The following GPC5 variants were observed in gnomAD, a reference collection of about 807,000 sequenced individuals.
GPC5 encodes glypican 5.
GPC5 carries 47 observed loss-of-function variants against 53.9 expected under a neutral mutation model. The ratio of observed to expected loss-of-function variants is 0.87; its 90% confidence interval spans 0.69 to 1.11. The LOEUF (loss-of-function observed/expected upper bound fraction) is 1.11, where lower values mean the gene tolerates loss of function less well. GPC5 is among the 50% of genes most tolerant of loss of function. The pLI is 0.00. For missense variants in GPC5, 748 were observed against 713.1 expected, an observed-to-expected ratio of 1.05 and a Z score of -0.56; for synonymous variants, 286 against 263.3, an observed-to-expected ratio of 1.09 and a Z score of -0.84.
chr13:92,858,079 G>A (rs1361602298), intron 7 of GPC5, among the ~76,000 whole-genome samples: 1 of 152,180 alleles, frequency 6.6e-6, no homozygotes, highest in East Asian at 1.9e-4. Flanking sequence ...GTGCCCATCA[G>A]TGGTAGACTG....
chr13:92,169,297 T>G (rs573622625), intron 7 of GPC5, among the ~76,000 whole-genome samples: 1 of 152,256 alleles, frequency 6.6e-6, no homozygotes, highest in Non-Finnish European at 1.5e-5. Context: ...TTTACCTATG[T>G]AACCAACCTG....
intron 7 of GPC5, among the ~76,000 whole-genome samples, chr13:92,512,324 T>G (rs1880604314): frequency 6.6e-6 from 1 of 152,144 alleles, no homozygotes; most frequent in African/African-American, 2.4e-5. Flanking sequence ...CGAGTCACCT[T>G]AAGTACTTTA....
At chr13:92,251,858 C>T (rs777764947) in intron 7 of GPC5, among the ~76,000 whole-genome samples, 13 of 152,102 alleles carry the variant, frequency 8.5e-5, no homozygotes, top group Non-Finnish European at 1.3e-4. Flanking sequence ...TTTTAAATCA[C>T]GTGTGATCCA....
intron 7 of GPC5, among the ~76,000 whole-genome samples, chr13:92,262,191 A>T (rs918930573): frequency 6.6e-6 from 1 of 152,284 alleles, no homozygotes; most frequent in African/African-American, 2.4e-5. Flanking sequence ...GCTACCTTAT[A>T]ACATCTGATT....
rs75225176 is a variant in GPC5, at chr13:92,647,563, A to T, written c.1562-218719A>T. ...TGGTTCTGCTCTGATTCTGGACACC[A>T]AGAAAATCTCATGAGATAATCAAAC... On this transcript the variant is annotated intron_variant, in intron 7 of 7. Transcript: ENST00000377067. Among the ~76,000 whole-genome samples, 1,381 of 152,226 alleles carry T rather than the reference A, an allele frequency of 9.1e-3. 21 individuals carry two copies. Among genetic ancestry groups the T allele is most frequent in the African/African-American group, 0.031 (1,307 of 41,544 alleles).
At chr13:92,352,447 T>A (rs777821189) in intron 7 of GPC5, among the ~76,000 whole-genome samples, 7 of 152,190 alleles carry the variant, frequency 4.6e-5, no homozygotes, top group Non-Finnish European at 8.8e-5. Context: ...CAAACTTGGA[T>A]AATTGTACAC....
At chr13:92,104,243 G>C (rs2041489840) in intron 6 of GPC5, among the ~76,000 whole-genome samples, 1 of 152,074 alleles carries the variant, frequency 6.6e-6, no homozygotes, top group Non-Finnish European at 1.5e-5. Context: ...CTGTGATTTT[G>C]GGGTTTGTTT....
chr13:91,512,804 G>A (rs898817533), intron 2 of GPC5, among the ~76,000 whole-genome samples: 5 of 152,200 alleles, frequency 3.3e-5, no homozygotes, highest in East Asian at 1.9e-4. Context: ...TGTCTTCTAG[G>A]AGGGTCTAAT....
At chr13:91,949,150 T>C (rs1396929449) in intron 6 of GPC5, among the ~76,000 whole-genome samples, 1 of 152,204 alleles carries the variant, frequency 6.6e-6, no homozygotes, top group East Asian at 1.9e-4. Context: ...TTGCTGCCCA[T>C]TTGTTTTGTG....
intron 6 of GPC5, among the ~76,000 whole-genome samples, chr13:91,931,878 C>T (rs1254229059): frequency 2.0e-5 from 3 of 151,974 alleles, no homozygotes; most frequent in Non-Finnish European, 2.9e-5. Flanking sequence ...TGCATGAATA[C>T]TTGCTTAGCA....
At chr13:92,865,466 A>G (rs1296314224) in intron 7 of GPC5, among the ~76,000 whole-genome samples, 2 of 152,168 alleles carry the variant, frequency 1.3e-5, no homozygotes, top group Non-Finnish European at 2.9e-5. Flanking sequence ...GAAGTCATAA[A>G]AGGGGAAAGT....
At chr13:92,065,067 T>C (rs2041157532) in intron 6 of GPC5, among the ~76,000 whole-genome samples, 1 of 152,178 alleles carries the variant, frequency 6.6e-6, no homozygotes, top group Non-Finnish European at 1.5e-5. Flanking sequence ...TCAGTGTTCT[T>C]AAAAATCAAG....
intron 2 of GPC5, among the ~76,000 whole-genome samples, chr13:91,526,643 G>A (rs1325250524): frequency 6.6e-6 from 1 of 152,190 alleles, no homozygotes; most frequent in Non-Finnish European, 1.5e-5. Context: ...TACATCAGCG[G>A]CTATGACACT....
chr13:91,780,035 C>A (rs910454340), intron 5 of GPC5, among the ~76,000 whole-genome samples: 2 of 152,106 alleles, frequency 1.3e-5, no homozygotes, highest in African/African-American at 2.4e-5. Flanking sequence ...ATCTGTCTGG[C>A]AGCACAGTAG....
At chr13:91,515,597 A>C (rs1182889595) in intron 2 of GPC5, among the ~76,000 whole-genome samples, 2 of 152,238 alleles carry the variant, frequency 1.3e-5, no homozygotes, top group Non-Finnish European at 2.9e-5. Flanking sequence ...TTTTCCATAA[A>C]AATACCTTTC....
chr13:92,608,611 A>G (rs1884333516), intron 7 of GPC5, among the ~76,000 whole-genome samples: 2 of 152,200 alleles, frequency 1.3e-5, no homozygotes, highest in African/African-American at 4.8e-5. Context: ...TATCCAATAT[A>G]AAGAAAGAAT....
chr13:91,669,460 A>G (rs968834218), intron 2 of GPC5, among the ~76,000 whole-genome samples: 1 of 152,176 alleles, frequency 6.6e-6, no homozygotes, highest in Non-Finnish European at 1.5e-5. Context: ...TAAAGCGGGA[A>G]CTTTGGCCAG....
At chr13:92,125,266 G>A (rs572103099) in intron 6 of GPC5, among the ~76,000 whole-genome samples, 3 of 152,272 alleles carry the variant, frequency 2.0e-5, no homozygotes, top group South Asian at 4.1e-4. Flanking sequence ...AAGAGTGAGA[G>A]TCAGAGGCCA....
At chr13:91,665,509 T>C (rs1444924678) in intron 2 of GPC5, among the ~76,000 whole-genome samples, 1 of 151,596 alleles carries the variant, frequency 6.6e-6, no homozygotes, top group Non-Finnish European at 1.5e-5. Flanking sequence ...GCCAGTCTTT[T>C]TTTTTTCTTT....
Sources: gnomAD v4.1 joint callset for allele counts (sites outside exome capture counted in the v4.1 genomes callset) on GRCh38, gnomAD v4.1.1 for gene constraint, MANE v1.5 for transcripts, NCBI Gene and HGNC (gene_info 2026-07-23, HGNC 2026-07-21) for gene names.